SLC25A21: variants seen among roughly 807,000 people sequenced by gnomAD.
The protein encoded by SLC25A21 is solute carrier family 25 member 21, also known as mitochondrial 2-oxodicarboxylate carrier.
A neutral mutation model predicts 43.8 loss-of-function variants in SLC25A21; 47 were observed. That is an observed-to-expected ratio of 1.07 (90% CI 0.85 to 1.37). SLC25A21 has a LOEUF of 1.37. SLC25A21 is among the 40% of genes most tolerant of loss of function. The pLI, the probability that SLC25A21 is intolerant of heterozygous loss-of-function variation, is 0.00. For missense variants in SLC25A21, 352 were observed against 350.2 expected, an observed-to-expected ratio of 1.00 and a Z score of -0.04; for synonymous variants, 131 against 121.3, an observed-to-expected ratio of 1.08 and a Z score of -0.52.
intron 3 of SLC25A21, among the ~76,000 whole-genome samples, chr14:36,749,232 G>A (rs982775501): frequency 3.9e-5 from 6 of 152,108 alleles, no homozygotes; most frequent in African/African-American, 7.2e-5. Context: ...TGCCTGATTC[G>A]CGAATCGTTC....
At chr14:37,165,894 T>C (rs1302788842) in intron 1 of SLC25A21, among the ~76,000 whole-genome samples, 1 of 152,186 alleles carries the variant, frequency 6.6e-6, no homozygotes, top group African/African-American at 2.4e-5. Flanking sequence ...CCCATGCTCC[T>C]AGCTCCAAGT....
intron 3 of SLC25A21, among the ~76,000 whole-genome samples, chr14:36,753,870 G>C (rs1351062242): frequency 6.7e-6 from 1 of 149,438 alleles, no homozygotes; most frequent in African/African-American, 2.5e-5. Context: ...CAGGATCTCA[G>C]AACATTCAGG....
intron 1 of SLC25A21, among the ~76,000 whole-genome samples, chr14:37,165,333 C>A (rs984642383): frequency 1.3e-5 from 2 of 151,614 alleles, no homozygotes; most frequent in East Asian, 3.9e-4. Context: ...GCCAAGATTG[C>A]GCCACTGTAC....
chr14:36,894,124 C>T (rs2138587118), intron 1 of SLC25A21, among the ~76,000 whole-genome samples: 1 of 152,260 alleles, frequency 6.6e-6, no homozygotes, highest in South Asian at 2.1e-4. Context: ...TATAAATTAC[C>T]TTGGCAGTAT....
At chr14:37,044,131 T>A (rs559206441) in intron 1 of SLC25A21, among the ~76,000 whole-genome samples, 53 of 151,678 alleles carry the variant, frequency 3.5e-4, no homozygotes, top group Non-Finnish European at 7.1e-4. Flanking sequence ...TTCCATTACA[T>A]CCCCAGCACC....
chr14:37,010,119 C>T (rs1183202516), intron 1 of SLC25A21, among the ~76,000 whole-genome samples: 2 of 152,102 alleles, frequency 1.3e-5, no homozygotes, highest in African/African-American at 4.8e-5. Context: ...AAAACATAAC[C>T]ACATATATAA....
At chr14:36,900,836 G>A (rs1891377420) in intron 1 of SLC25A21, among the ~76,000 whole-genome samples, 1 of 152,132 alleles carries the variant, frequency 6.6e-6, no homozygotes, top group Non-Finnish European at 1.5e-5. Flanking sequence ...ACAACTCTGG[G>A]AGCCATTGCA....
chr14:36,771,570 G>T lies in SLC25A21; in HGVS notation c.204-36997C>A, dbSNP rs1286981979. Among the ~76,000 whole-genome samples, 5 of 152,262 alleles carry T rather than the reference G, an allele frequency of 3.3e-5. No homozygotes were observed. In the East Asian group the frequency reaches 9.7e-4, roughly 29 times the overall value. On this transcript the variant is annotated intron_variant, in intron 3 of 9. Coordinates refer to ENST00000331299, the MANE Select transcript of SLC25A21 (RefSeq NM_030631.4). ...TTGTGCAAAAAGCCCAGAGGCCACAGTTTGTCTACTCCTGACTATGAGGAC... is the reference window on the plus strand; with the variant it reads ...TTGTGCAAAAAGCCCAGAGGCCACATTTTGTCTACTCCTGACTATGAGGAC...
At chr14:36,932,562 T>C (rs935114274) in intron 1 of SLC25A21, among the ~76,000 whole-genome samples, 2 of 152,074 alleles carry the variant, frequency 1.3e-5, no homozygotes, top group African/African-American at 4.8e-5. Flanking sequence ...GAAACAAAAT[T>C]AAATGAGACA....
chr14:36,718,100 G>A (rs1235139840), intron 6 of SLC25A21, among the ~76,000 whole-genome samples: 1 of 152,142 alleles, frequency 6.6e-6, no homozygotes, highest in African/African-American at 2.4e-5. Context: ...GCAACTTGCA[G>A]AGTGTCTGAT....
At chr14:37,107,351 T>C (rs8012326) in intron 1 of SLC25A21, among the ~76,000 whole-genome samples, 6,158 of 151,984 alleles carry the variant, frequency 0.041, 439 homozygotes, top group African/African-American at 0.14. Flanking sequence ...CTAATTTTTT[T>C]ATTTTTTATT....
chr14:36,766,328 T>G (rs530929837), intron 3 of SLC25A21, among the ~76,000 whole-genome samples: 8 of 152,352 alleles, frequency 5.3e-5, no homozygotes, highest in South Asian at 2.1e-4. Flanking sequence ...GTTTTAAATA[T>G]GTTTGCAATG....
intron 1 of SLC25A21, among the ~76,000 whole-genome samples, chr14:36,977,940 CTTTTT>C (rs35382738): frequency 4.7e-5 from 6 of 128,128 alleles, no homozygotes; most frequent in African/African-American, 1.8e-4. Flanking sequence ...GATTACAAAG[CTTTTT>C]TTTTTTTTTA....
intron 1 of SLC25A21, among the ~76,000 whole-genome samples, chr14:37,144,783 GGT>G (rs753529164): frequency 6.6e-4 from 16 of 24,290 alleles, no homozygotes; most frequent in South Asian, 0.012. Context: ...AGTTGTTTTG[GGT>G]TTTTTTTTTT....
At chr14:36,819,090 A>G (rs1281508722) in intron 2 of SLC25A21, among the ~76,000 whole-genome samples, 1 of 152,202 alleles carries the variant, frequency 6.6e-6, no homozygotes, top group Non-Finnish European at 1.5e-5. Flanking sequence ...ATGAAGTAAC[A>G]CTTGGGACAT....
intron 3 of SLC25A21, among the ~76,000 whole-genome samples, chr14:36,756,356 T>C (rs1184933966): frequency 6.6e-6 from 1 of 152,204 alleles, no homozygotes; most frequent in Admixed American, 6.5e-5. Flanking sequence ...CGGCTTCACA[T>C]CTGTCAGCTA....
At chr14:36,923,355 G>C (rs754660818) in intron 1 of SLC25A21, among the ~76,000 whole-genome samples, 6 of 152,012 alleles carry the variant, frequency 3.9e-5, no homozygotes, top group African/African-American at 1.4e-4. Flanking sequence ...TTAAAAACAA[G>C]AGTAAAATAA....
chr14:36,745,069 C>T (rs1885437438), intron 3 of SLC25A21, among the ~76,000 whole-genome samples: 3 of 151,254 alleles, frequency 2.0e-5, no homozygotes, highest in Admixed American at 2.0e-4. Flanking sequence ...GTTCAACTCC[C>T]ACTTATGGGT....
At chr14:36,865,482 T>C (rs1012109907) in intron 2 of SLC25A21, among the ~76,000 whole-genome samples, 16 of 152,086 alleles carry the variant, frequency 1.1e-4, no homozygotes, top group African/African-American at 3.9e-4. Context: ...AACCACGGAA[T>C]GAGCTCTGCA....
Sources: gnomAD v4.1 joint callset for allele counts (sites outside exome capture counted in the v4.1 genomes callset) on GRCh38, gnomAD v4.1.1 for gene constraint, MANE v1.5 for transcripts, NCBI Gene and HGNC (gene_info 2026-07-23, HGNC 2026-07-21) for gene names.